The following C12orf42 variants were observed in gnomAD, a reference collection of about 807,000 sequenced individuals.
The protein encoded by C12orf42 is chromosome 12 open reading frame 42, also known as uncharacterized protein C12orf42.
Under a neutral mutation model 21.6 loss-of-function variants are expected in C12orf42, and 25 were observed. The ratio of observed to expected loss-of-function variants is 1.16; its 90% confidence interval spans 0.84 to 1.62. C12orf42 has a LOEUF of 1.62. Among genes scored for constraint, C12orf42 ranks in the 40% most tolerant of loss-of-function variants. The pLI is 0.00. For synonymous variants in C12orf42, 174 were observed against 175.0 expected, an observed-to-expected ratio of 0.99 and a Z score of 0.05; for missense variants, 483 against 459.3, an observed-to-expected ratio of 1.05 and a Z score of -0.47.
At chr12:103,141,402 T>G in the C12orf42 span, among the ~76,000 whole-genome samples, 1 of 152,146 alleles carries the variant, frequency 6.6e-6, no homozygotes, top group East Asian at 1.9e-4. Flanking sequence ...AGTTAAATAT[T>G]AAACTCTATT....
intron 1 of C12orf42, among the ~76,000 whole-genome samples, chr12:103,485,933 C>T (rs1954802995): frequency 6.6e-6 from 1 of 152,228 alleles, no homozygotes; most frequent in South Asian, 2.1e-4. Context: ...GACAATTTGA[C>T]TTCCTCTTTT....
At chr12:103,082,709 A>G in the C12orf42 span, among the ~76,000 whole-genome samples, 1 of 152,272 alleles carries the variant, frequency 6.6e-6, no homozygotes, top group South Asian at 2.1e-4. Context: ...AAAAAAGACT[A>G]GTTATTACCT....
intron 4 of C12orf42, among the ~76,000 whole-genome samples, chr12:103,296,066 A>C (rs981090964): frequency 2.2e-5 from 3 of 133,988 alleles, no homozygotes; most frequent in Admixed American, 8.8e-5. Context: ...TCCTGTGTCC[A>C]AGTGTTCTCA....
At chr12:103,336,366 G>A (rs900484119) in intron 4 of C12orf42, among the ~76,000 whole-genome samples, 2 of 152,204 alleles carry the variant, frequency 1.3e-5, no homozygotes, top group African/African-American at 4.8e-5. Flanking sequence ...TCAGAAAACT[G>A]AGGGGCAATG....
At chr12:103,521,755 A>G in the C12orf42 span, among the ~76,000 whole-genome samples, 1 of 152,220 alleles carries the variant, frequency 6.6e-6, no homozygotes, top group Non-Finnish European at 1.5e-5. Context: ...ACTTTAGTCA[A>G]TGAAATATCG....
chr12:103,315,430 C>G lies in C12orf42; in HGVS notation c.260-9085G>C, dbSNP rs536305161. On this transcript the variant is annotated intron_variant, in intron 4 of 5. Transcript: ENST00000548883. ...ATAAAAAACACTGTAACAGAATTAACAAATGCCTTCAATGGGTTCATCTGT... is the reference window on the plus strand; with the variant it reads ...ATAAAAAACACTGTAACAGAATTAAGAAATGCCTTCAATGGGTTCATCTGT... 5.9e-5 allele frequency among the ~76,000 whole-genome samples: 9 copies of G among 152,080 alleles called. No individual in the cohort carries two copies. The East Asian group carries it at 1.2e-3, about 20-fold the overall frequency.
At chr12:103,240,335 T>C (rs2033674101) in intron 10 of C12orf42, among the ~76,000 whole-genome samples, 1 of 152,168 alleles carries the variant, frequency 6.6e-6, no homozygotes, top group South Asian at 2.1e-4. Flanking sequence ...GGCACATGGG[T>C]TCAACATCAG....
chr12:103,351,735 C>A (rs2043116593), intron 4 of C12orf42, among the ~76,000 whole-genome samples: 1 of 152,030 alleles, frequency 6.6e-6, no homozygotes, highest in Non-Finnish European at 1.5e-5. Context: ...ATTCGTGCTT[C>A]CTTCTGGCCT....
At chr12:103,297,074 A>C (rs150748672), downstream of C12orf42, among the ~76,000 whole-genome samples, 6,128 of 152,258 alleles carry the variant, frequency 0.04, 406 homozygotes, top group African/African-American at 0.14. Flanking sequence ...AGCTTTCTAC[A>C]TATGGCTAGC....
chr12:103,557,171 C>T, the C12orf42 span, among the ~76,000 whole-genome samples: 2 of 152,308 alleles, frequency 1.3e-5, no homozygotes, highest in African/African-American at 4.8e-5. Context: ...TATTTGAATT[C>T]ATCCAGAACC....
chr12:103,098,170 T>C, the C12orf42 span, among the ~76,000 whole-genome samples: 1 of 152,230 alleles, frequency 6.6e-6, no homozygotes, highest in African/African-American at 2.4e-5. Context: ...GGTTCCGCCA[T>C]GGCCTCAGAA....
chr12:103,172,688 A>G, the C12orf42 span, among the ~76,000 whole-genome samples: 1 of 152,112 alleles, frequency 6.6e-6, no homozygotes, highest in Non-Finnish European at 1.5e-5. Flanking sequence ...AATAAATCAT[A>G]CCCAGATTTT....
intron 2 of C12orf42, among the ~76,000 whole-genome samples, chr12:103,470,438 G>A (rs1322291693): frequency 6.6e-6 from 1 of 152,134 alleles, no homozygotes; most frequent in Non-Finnish European, 1.5e-5. Flanking sequence ...AGTTGTCTGT[G>A]ATTCATTCAT....
Position 103,306,034 on chromosome 12 carries a change from G to A in C12orf42, c.571C>T (p.His191Tyr), listed in dbSNP as rs1265876898. 5.6e-6 allele frequency: 9 copies of A among 1,613,846 alleles called. No individual in the cohort carries two copies. Among genetic ancestry groups the A allele is most frequent in the Non-Finnish European group, 7.6e-6 (9 of 1,179,854 alleles). The change falls in exon 5 of 6, where the codon CAC becomes TAC. Residue 191 changes from histidine (H) to tyrosine (Y), a missense_variant. By Grantham distance (83) the His-to-Tyr change is moderately conservative. Coordinates refer to ENST00000548883, the MANE Select transcript of C12orf42 (RefSeq NM_198521.5). ...NPVHLEAQGIHISRHTRPKGQ... is the reference protein window; with the variant it reads ...NPVHLEAQGIYISRHTRPKGQ... ...TTAGGTCTTGTGTGTCTACTGATGT[G>A]TATGCCCTGAGCCTCCAGGTGAACA... is the stretch of plus-strand genomic sequence containing the variant.
At chr12:103,493,479 G>C (rs1019567970) in intron 1 of C12orf42, among the ~76,000 whole-genome samples, 2 of 151,604 alleles carry the variant, frequency 1.3e-5, no homozygotes, top group African/African-American at 4.9e-5. Context: ...TTTTCTGCCT[G>C]AGAGCCTTTG....
At chr12:103,530,136 A>C in the C12orf42 span, among the ~76,000 whole-genome samples, 2 of 152,230 alleles carry the variant, frequency 1.3e-5, no homozygotes, top group African/African-American at 4.8e-5. Flanking sequence ...AAGATGGGAA[A>C]ATTTCCATTT....
chr12:103,382,311 T>C (rs998139159), intron 3 of C12orf42, among the ~76,000 whole-genome samples: 3 of 152,212 alleles, frequency 2.0e-5, no homozygotes, highest in African/African-American at 4.8e-5. Flanking sequence ...AGTAACAAAA[T>C]GTCCACGTCA....
At chr12:103,254,478 G>A (rs1055484296) in intron 10 of C12orf42, among the ~76,000 whole-genome samples, 1 of 152,190 alleles carries the variant, frequency 6.6e-6, no homozygotes, top group Non-Finnish European at 1.5e-5. Context: ...CGAGGCTACA[G>A]TAACCAAAAC....
At chr12:103,472,698 C>T (rs1468245252) in intron 2 of C12orf42, among the ~76,000 whole-genome samples, 1 of 152,088 alleles carries the variant, frequency 6.6e-6, no homozygotes, top group Admixed American at 6.5e-5. Flanking sequence ...ACTAAAAGTG[C>T]ACAAGACAGC....
Sources: allele counts gnomAD v4.1 joint callset (sites outside exome capture counted in the v4.1 genomes callset), GRCh38; gene constraint gnomAD v4.1.1; transcripts MANE v1.5; gene names NCBI Gene and HGNC (gene_info 2026-07-23, HGNC 2026-07-21).